OTUB2: variants seen among roughly 807,000 people sequenced by gnomAD.
OTUB2 encodes ubiquitin thioesterase OTUB2.
OTUB2 carries 21 observed loss-of-function variants against 25.1 expected under a neutral mutation model. The observed-to-expected ratio is 0.84, with a 90% confidence interval of 0.59 to 1.21. The LOEUF is 1.21. OTUB2 is among the 50% of genes most tolerant of loss of function. OTUB2 has a pLI of 0.00. For synonymous variants in OTUB2, 122 were observed against 122.8 expected (o/e 0.99, Z 0.04); for missense variants, 283 against 298.0 (o/e 0.95, Z 0.37).
chr14:94,043,895 G>C, intron 3 of OTUB2, 76 bp from the exon 4 acceptor site: 2 of 1,371,680 alleles, frequency 1.5e-6, no homozygotes, highest in Non-Finnish European at 2.1e-6. Context: ...AGTGGGTTGA[G>C]AGGGGGACGC....
intron 4 of OTUB2, 49 bp downstream of exon 4, chr14:94,044,104 G>A (rs765647100): frequency 3.9e-6 from 6 of 1,550,478 alleles, no homozygotes; most frequent in South Asian, 2.2e-5. Flanking sequence ...AGACAGGAGT[G>A]GGCACTGGCT....
In OTUB2 at chr14:94,044,670, C is replaced by A. The variant is rs1423185541; in HGVS notation, c.388C>A (p.His130Asn). Residue 130 changes from histidine to asparagine, a missense_variant, in exon 5 of 6, where the codon CAC (histidine) becomes AAC (asparagine). His to Asn is a moderately conservative substitution (Grantham distance 68). Transcript: ENST00000203664. ...KVFNDQSASD[H>N]IVQFLRLLTS... Reference sequence around the variant, plus strand: ...GTTCAACGACCAGAGTGCCTCGGACCACATCGTGCAGTTCCTGCGCCTGCT... The same window carrying A: ...GTTCAACGACCAGAGTGCCTCGGACAACATCGTGCAGTTCCTGCGCCTGCT... The A allele has an allele frequency of 5.0e-6, 8 of 1,614,198 alleles. No individual in the cohort carries two copies. The South Asian group carries it at 7.7e-5, about 16-fold the overall frequency.
chr14:94,043,055 ACTC>A (rs570008820), intron 3 of OTUB2, among the ~76,000 whole-genome samples: 16 of 151,512 alleles, frequency 1.1e-4, no homozygotes, highest in African/African-American at 3.6e-4. Context: ...CTAGGCAAAT[ACTC>A]CTCCTTCTGA....
intron 1 of OTUB2, among the ~76,000 whole-genome samples, chr14:94,032,659 A>T (rs891774371): frequency 2.6e-5 from 4 of 152,204 alleles, no homozygotes; most frequent in Non-Finnish European, 5.9e-5. Context: ...TGAACTGTGT[A>T]CTTAAAAGTG....
chr14:94,037,368 C>T lies in OTUB2; in HGVS notation c.4-12C>T, dbSNP rs998011838. 1 of 1,550,138 alleles carries T rather than the reference C, an allele frequency of 6.5e-7. No individual in the cohort carries two copies. The highest frequency in any genetic ancestry group is 1.4e-5 in the African/African-American group (1 of 73,388). On this transcript the variant is annotated splice_polypyrimidine_tract_variant and intron_variant, in intron 1 of 5. Transcript: ENST00000203664. The stretch of plus-strand genomic sequence containing the variant: ...AAATTGTCACAGCATTTCTTCCTTC[C>T]CTATCTTTCAGAGTGAAACATCTTT...
At chr14:94,037,192 T>C (rs556506443) in intron 1 of OTUB2, among the ~76,000 whole-genome samples, 188 bp from the exon 2 acceptor site, 58 of 152,254 alleles carry the variant, frequency 3.8e-4, no homozygotes, top group Non-Finnish European at 5.1e-4. Flanking sequence ...ACCCTGACTA[T>C]CCCTGTTCTG....
Position 94,039,055 on chromosome 14 carries a change from G to A in OTUB2, c.192G>A (p.Leu64=), listed in dbSNP as rs146895466. ...RALGYSYLES[L]LGKSREIFKF... Reference sequence around the variant, plus strand: ...TGGGCTATTCCTACCTGGAGTCCCTGCTGGGGAAGAGCAGGGAGATCTTCA... The same window carrying A: ...TGGGCTATTCCTACCTGGAGTCCCTACTGGGGAAGAGCAGGGAGATCTTCA... The change falls in exon 3 of 6, where the codon CTG becomes CTA. Residue 64 remains leucine (L), a synonymous_variant. Coordinates refer to ENST00000203664, the MANE Select transcript of OTUB2 (RefSeq NM_023112.4). The A allele has an allele frequency of 5.2e-5, 84 of 1,614,182 alleles. No homozygotes were observed. In the African/African-American group the frequency reaches 1.1e-3, roughly 21 times the overall value.
At chr14:94,044,080 C>T (rs767116575) in intron 4 of OTUB2, 25 bp downstream of exon 4, 3 of 1,603,016 alleles carry the variant, frequency 1.9e-6, no homozygotes, top group Non-Finnish European at 2.6e-6. Flanking sequence ...TCCCTCCTTC[C>T]ACACTGGCAG....
intron 1 of OTUB2, among the ~76,000 whole-genome samples, chr14:94,027,120 A>G (rs10145998): frequency 0.12 from 17,975 of 152,190 alleles, 1,233 homozygotes; most frequent in Middle Eastern, 0.19. Context: ...GGTCGGGGAA[A>G]AGAAAATACT....
At chr14:94,043,241 G>A (rs1251913364) in intron 3 of OTUB2, among the ~76,000 whole-genome samples, 1 of 152,186 alleles carries the variant, frequency 6.6e-6, no homozygotes, top group Non-Finnish European at 1.5e-5. Context: ...CCTCATCTCC[G>A]TTCCCAGGCA....
At chr14:94,037,346 T>C (rs1885074549) in intron 1 of OTUB2, 34 bp from the exon 2 acceptor site, 1 of 1,499,078 alleles carries the variant, frequency 6.7e-7, no homozygotes, top group Non-Finnish European at 9.3e-7. Flanking sequence ...GCTTTTGAAA[T>C]TGTCACAGCA....
intron 1 of OTUB2, among the ~76,000 whole-genome samples, chr14:94,033,037 A>G (rs946816096): frequency 7.2e-5 from 11 of 152,138 alleles, no homozygotes; most frequent in Non-Finnish European, 1.0e-4. Context: ...TTGGCCTCCC[A>G]AGTAGCTGGG....
chr14:94,041,647 C>T (rs370838043), intron 3 of OTUB2, among the ~76,000 whole-genome samples: 36 of 152,152 alleles, frequency 2.4e-4, no homozygotes, highest in African/African-American at 8.0e-4. Flanking sequence ...CTGACACCAA[C>T]GCCCTCCACA....
intron 3 of OTUB2, among the ~76,000 whole-genome samples, chr14:94,040,342 C>A (rs1182268834): frequency 1.3e-5 from 2 of 152,222 alleles, no homozygotes; most frequent in Non-Finnish European, 2.9e-5. Flanking sequence ...GGGACCAACA[C>A]AGCACAGTGC....
At chr14:94,037,261 A>G (rs1885072297) in intron 1 of OTUB2, 119 bp from the exon 2 acceptor site, 2 of 597,964 alleles carry the variant, frequency 3.3e-6, no homozygotes, top group Non-Finnish European at 6.0e-6. Context: ...CAGCATGAGA[A>G]GGTGGGAAGG....
chr14:94,044,890 T>C, intron 5 of OTUB2, 110 bp downstream of exon 5: 1 of 1,169,632 alleles, frequency 8.5e-7, no homozygotes. Flanking sequence ...CGACTGCCCT[T>C]GCAATTCAAA....
At chr14:94,039,228 G>T in intron 3 of OTUB2, 147 bp downstream of exon 3, 1 of 660,092 alleles carries the variant, frequency 1.5e-6, no homozygotes, top group Non-Finnish European at 2.6e-6. Context: ...TGATGTTGGG[G>T]GTGCCCAGCT....
chr14:94,027,292 C>G (rs1884884188), intron 1 of OTUB2, among the ~76,000 whole-genome samples: 1 of 152,220 alleles, frequency 6.6e-6, no homozygotes, highest in Admixed American at 6.5e-5. Flanking sequence ...GCTCTGGACT[C>G]TCAGTTCAGT....
At chr14:94,041,725 C>T (rs531538432) in intron 3 of OTUB2, among the ~76,000 whole-genome samples, 118 of 152,320 alleles carry the variant, frequency 7.7e-4, no homozygotes, top group African/African-American at 2.5e-3. Context: ...ACTCACTTAT[C>T]CTACACACAC....
Sources: allele counts gnomAD v4.1 joint callset (sites outside exome capture counted in the v4.1 genomes callset), GRCh38; gene constraint gnomAD v4.1.1; transcripts MANE v1.5; gene names NCBI Gene and HGNC (gene_info 2026-07-23, HGNC 2026-07-21).